The following CDH17 variants were observed in gnomAD, a reference collection of about 807,000 sequenced individuals.
CDH17 encodes the protein cadherin 17.
CDH17 carries 67 observed loss-of-function variants against 86.3 expected under a neutral mutation model. The ratio of observed to expected loss-of-function variants is 0.78; its 90% CI spans 0.64 to 0.95. CDH17 has a LOEUF of 0.95. Among genes scored for constraint, CDH17 ranks in the 40% least tolerant of loss-of-function variants. CDH17 has a pLI of 0.00. For missense variants in CDH17, 993 were observed against 1,017.6 expected (o/e 0.98, Z 0.33); for synonymous variants, 367 against 366.4 (o/e 1.00, Z -0.02).
intron 1 of CDH17, among the ~76,000 whole-genome samples, chr8:94,203,334 G>A (rs898572688): frequency 7.9e-5 from 12 of 152,216 alleles, no homozygotes; most frequent in African/African-American, 2.7e-4. Context: ...GTTGCAGAAG[G>A]AGAGAGCTAC....
chr8:94,184,316 GA>G (rs968324643), intron 3 of CDH17, among the ~76,000 whole-genome samples: 4 of 151,608 alleles, frequency 2.6e-5, no homozygotes, highest in African/African-American at 7.3e-5. Context: ...AGCCATAAAT[GA>G]AAAAAAATGT....
chr8:94,170,695 G>A (rs931888315), intron 8 of CDH17, 148 bp from the exon 9 acceptor site: 63 of 1,324,150 alleles, frequency 4.8e-5, no homozygotes, highest in Non-Finnish European at 6.2e-5. Context: ...AGATGGGTCA[G>A]AATTATGTGA....
At chr8:94,189,639 C>T (rs1304645925) in intron 2 of CDH17, among the ~76,000 whole-genome samples, 1 of 152,224 alleles carries the variant, frequency 6.6e-6, no homozygotes, top group Non-Finnish European at 1.5e-5. Context: ...CAATCCCACA[C>T]TGTCTTCTAA....
intron 1 of CDH17, among the ~76,000 whole-genome samples, chr8:94,207,237 T>G (rs1814046877): frequency 6.6e-6 from 1 of 152,234 alleles, no homozygotes; most frequent in Non-Finnish European, 1.5e-5. Flanking sequence ...GATTTTTTTC[T>G]TATTTTTCTA....
chr8:94,134,191 C>G (rs562900863), intron 15 of CDH17, among the ~76,000 whole-genome samples: 12 of 152,286 alleles, frequency 7.9e-5, no homozygotes, highest in African/African-American at 2.4e-4. Context: ...GGGAGGATTC[C>G]CTCTTTTTCT....
intron 1 of CDH17, among the ~76,000 whole-genome samples, chr8:94,216,657 A>C (rs1814199048): frequency 6.6e-6 from 1 of 151,924 alleles, no homozygotes; most frequent in Non-Finnish European, 1.5e-5. Context: ...ACTATATCTA[A>C]AGGGATTTAC....
At chr8:94,159,931 C>A in intron 12 of CDH17, 40 bp downstream of exon 12, 1 of 1,517,682 alleles carries the variant, frequency 6.6e-7, no homozygotes, top group Non-Finnish European at 9.0e-7. Context: ...AATTAACCCA[C>A]AAACAAAGAC....
At chr8:94,189,085 C>T in intron 3 of CDH17, 102 bp downstream of exon 3, 1 of 803,068 alleles carries the variant, frequency 1.2e-6, no homozygotes, top group East Asian at 2.5e-5. Context: ...ATGAGAATGC[C>T]ATGCCTTTAT....
rs1052335011 is a variant in CDH17, at chr8:94,187,862, C to T, written c.150+1325G>A. Among the ~76,000 whole-genome samples, 4 of 152,186 alleles carry T rather than the reference C, an allele frequency of 2.6e-5. No individual in the cohort carries two copies. In the South Asian group the frequency reaches 6.2e-4, roughly 24 times the overall value. Reference sequence around the variant, plus strand: ...CAACCTCCAGCTCTCAACACATTCACTGCTTCTTCAGGCCCTGACTTCCCT... The same window carrying T: ...CAACCTCCAGCTCTCAACACATTCATTGCTTCTTCAGGCCCTGACTTCCCT... On this transcript the variant is annotated intron_variant, in intron 3 of 17. Coordinates refer to ENST00000027335, the MANE Select transcript of CDH17 (RefSeq NM_004063.4).
chr8:94,166,295 G>A (rs1813154590), intron 9 of CDH17, among the ~76,000 whole-genome samples: 1 of 152,150 alleles, frequency 6.6e-6, no homozygotes, highest in African/African-American at 2.4e-5. Context: ...GCTTGTGAGT[G>A]GCTGTCTTTT....
Position 94,128,104 on chromosome 8 carries a change from A to C in CDH17, c.*136T>G, listed in dbSNP as rs989156358. On this transcript the variant is annotated 3_prime_UTR_variant, in exon 18 of 18. Coordinates refer to ENST00000027335, the MANE Select transcript of CDH17 (RefSeq NM_004063.4). ...CAAGACTCCACCTCAAAAAAGAAAT[A>C]TTTAGCAAATATTAAAGGACAAGAG... 1 of 644,886 alleles carries C rather than the reference A, an allele frequency of 1.6e-6. No individual in the cohort carries two copies. The highest frequency in any genetic ancestry group is 1.8e-5 in the African/African-American group (1 of 54,712). The allele number at this position is 644,886 out of a possible 1,614,324, so 39.9% of individuals were successfully genotyped here. A position where few individuals can be genotyped will look rare whatever the true frequency, so the allele number is the denominator to read the frequency against.
upstream of CDH17, among the ~76,000 whole-genome samples, chr8:94,209,843 A>T (rs1487211236): frequency 3.3e-5 from 5 of 152,100 alleles, no homozygotes; most frequent in Admixed American, 3.3e-4. Context: ...CAAGCATCTC[A>T]TCACACAGCA....
intron 1 of CDH17, among the ~76,000 whole-genome samples, chr8:94,195,741 C>T (rs976974503): frequency 7.4e-5 from 11 of 149,502 alleles, no homozygotes; most frequent in Non-Finnish European, 1.5e-4. Flanking sequence ...CTGCCCCTCC[C>T]CAAAAGACAG....
chr8:94,166,587 C>G (rs925237050), intron 9 of CDH17, among the ~76,000 whole-genome samples: 13 of 152,152 alleles, frequency 8.5e-5, no homozygotes, highest in Non-Finnish European at 1.9e-4. Context: ...CCCATAACAC[C>G]TAGTACTCCC....
rs139497492 is a variant in CDH17 at position 94,170,483 on chromosome 8, T to G, written c.980A>C (p.His327Pro). 13 of 1,613,752 alleles carry G rather than the reference T, an allele frequency of 8.1e-6. No individual in the cohort carries two copies. Among genetic ancestry groups the G allele is most frequent in the Non-Finnish European group, 1.0e-5 (12 of 1,179,764 alleles). The change falls in exon 9 of 18, where the codon CAT (histidine) becomes CCT (proline). Residue 327 changes from histidine to proline, a missense_variant. Physicochemically the swap from His to Pro is moderately conservative, Grantham distance 77. Transcript: ENST00000027335. ...ATCATTAATATCTTTAACTTTTACA[T>G]GAATTTCCAGCGGATATGAAAGTGG... ...GKPLSYPLEI[H>P]VKVKDINDNP...
intron 1 of CDH17, among the ~76,000 whole-genome samples, chr8:94,208,053 G>A (rs1470726604): frequency 6.6e-6 from 1 of 152,142 alleles, no homozygotes; most frequent in Admixed American, 6.5e-5. Flanking sequence ...CTCATTCTCT[G>A]AGAAGTAGAT....
intron 15 of CDH17, among the ~76,000 whole-genome samples, chr8:94,132,784 G>A (rs1360367787): frequency 2.0e-5 from 3 of 152,136 alleles, no homozygotes; most frequent in Non-Finnish European, 2.9e-5. Context: ...TTCTTCTAGG[G>A]ATTTTATGGT....
upstream of CDH17, among the ~76,000 whole-genome samples, chr8:94,213,124 G>C (rs765345205): frequency 6.6e-6 from 1 of 152,190 alleles, no homozygotes; most frequent in Non-Finnish European, 1.5e-5. Flanking sequence ...CTACAGGCAA[G>C]TGCCACCACA....
At chr8:94,206,647 T>TTC (rs1586033522) in intron 1 of CDH17, among the ~76,000 whole-genome samples, 1 of 151,010 alleles carries the variant, frequency 6.6e-6, no homozygotes, top group East Asian at 1.9e-4. Flanking sequence ...AGATTTTTTT[T>TTC]TTTTTTTTTT....
Sources: gnomAD v4.1 joint callset for allele counts (sites outside exome capture counted in the v4.1 genomes callset) on GRCh38, gnomAD v4.1.1 for gene constraint, MANE v1.5 for transcripts, NCBI Gene and HGNC (gene_info 2026-07-23, HGNC 2026-07-21) for gene names.